Variants in FLII observed in about 807,000 individuals in gnomAD.
The protein encoded by FLII is FLII actin remodeling protein.
A neutral mutation model predicts 156.2 loss-of-function variants in FLII; 101 were observed. The observed-to-expected ratio is 0.65, with a 90% CI of 0.55 to 0.76. The LOEUF is 0.76. Ranked by LOEUF, FLII falls within the 30% of genes least tolerant of loss-of-function variation. FLII has a pLI of 0.00. For missense variants in FLII, 1,675 were observed against 1,682.8 expected, an observed-to-expected ratio of 1.00 and a Z score of 0.08; for synonymous variants, 767 against 685.8, an observed-to-expected ratio of 1.12 and a Z score of -1.85.
At chr17:18,249,039 C>G in intron 16 of FLII, 88 bp downstream of exon 16, 1 of 1,399,892 alleles carries the variant, frequency 7.1e-7, no homozygotes, top group Admixed American at 1.7e-5. Flanking sequence ...GCTAGAGGGC[C>G]TCCTCTTCTA....
At chr17:18,248,073 G>T in intron 18 of FLII, 40 bp from the exon 19 acceptor site, 2 of 1,426,460 alleles carry the variant, frequency 1.4e-6, no homozygotes, top group Non-Finnish European at 2.0e-6. Flanking sequence ...GGGATCTGGA[G>T]ACAGGAACCT....
chr17:18,258,406 A>G lies in FLII; in HGVS notation c.63+222T>C, dbSNP rs1362561831. On this transcript the variant is annotated intron_variant, in intron 1 of 29. Transcript: ENST00000327031. This position sits in a 1 kb window ranked among gnomAD's most constrained non-coding sequence, Gnocchi z 4.2. ...GGCCCCCGGCGGGACTCCGAGCCCAAGCGTCCGTCCCCGGCCTGCCCAGCC... is the reference window on the plus strand; with the variant it reads ...GGCCCCCGGCGGGACTCCGAGCCCAGGCGTCCGTCCCCGGCCTGCCCAGCC... 2 of 1,358,124 alleles carry G rather than the reference A, an allele frequency of 1.5e-6. No homozygotes were observed. The highest frequency in any genetic ancestry group is 2.3e-5 in the Admixed American group (1 of 43,398). 84.1% of individuals were successfully genotyped at this position (1,358,124 alleles called of 1,614,324 possible).
Position 18,247,720 on chromosome 17 carries a change from G to T in FLII, c.2424C>A (p.Cys808Ter). Residue 808 changes from cysteine to a stop codon, truncating the protein, a stop_gained, in exon 20 of 30, where the codon TGC (cysteine) becomes TGA (stop). Coordinates refer to ENST00000327031, the MANE Select transcript of FLII (RefSeq NM_002018.4). LOFTEE classifies it high-confidence loss of function. ...CATGGCGTGGCCGGTGCAGCATCCC[G>T]CACAGCTCCTGACCCAGCTTGAGGG... ...AAALKLGQEL[C>*]GMLHRPRHAT... 1 of 1,603,148 alleles carries T rather than the reference G, an allele frequency of 6.2e-7. No homozygotes were observed.
At chr17:18,258,763 C>CT (rs1301339913), upstream of FLII, 4 of 1,126,494 alleles carry the variant, frequency 3.6e-6, no homozygotes, top group Non-Finnish European at 4.5e-6. The surrounding 1 kb of genome is among the most constrained non-coding windows in gnomAD (Gnocchi z 4.2). Flanking sequence ...GAGCCGCGGG[C>CT]TGGGCCAGCG....
intron 1 of FLII, chr17:18,257,291 G>A (rs1393159757): frequency 2.2e-6 from 1 of 449,768 alleles, no homozygotes; most frequent in Non-Finnish European, 4.0e-6. Flanking sequence ...TGTTTCAGGT[G>A]AAAGCCCAGC....
At chr17:18,252,245 A>G in intron 10 of FLII, 99 bp from the exon 11 acceptor site, 1 of 1,200,548 alleles carries the variant, frequency 8.3e-7, no homozygotes, top group Non-Finnish European at 1.2e-6. Flanking sequence ...GCCAGGGCTG[A>G]GAGGTCAGGG....
chr17:18,247,488 A>G lies in FLII; in HGVS notation c.2488-131T>C. On this transcript the variant is annotated intron_variant, in intron 20 of 29. Transcript: ENST00000327031. ...TTGGGAGGCGGGGCCTCGGACACGG[A>G]GGTAGGAATAGGAGGGGCAGCTTGC... 4 of 1,060,246 alleles carry G rather than the reference A, an allele frequency of 3.8e-6. No homozygotes were observed. In the South Asian group the frequency reaches 6.2e-5, roughly 16 times the overall value. 65.7% of individuals were successfully genotyped at this position (1,060,246 alleles called of 1,614,324 possible).
Position 18,250,932 on chromosome 17 carries a change from G to C in FLII, c.1682C>G (p.Ser561Cys). The C allele has an allele frequency of 6.2e-7, 1 of 1,614,020 alleles. No individual in the cohort carries two copies. The highest frequency in any genetic ancestry group is 8.5e-7 in the Non-Finnish European group (1 of 1,179,988). ...GCGCAAGTTGACAGCGTGGATGGCAGAGCAAGCTTTCTTGTCGAGTGTGGC... is the reference window on the plus strand; with the variant it reads ...GCGCAAGTTGACAGCGTGGATGGCACAGCAAGCTTTCTTGTCGAGTGTGGC... ...GEATLDKKAC[S>C]AIHAVNLRNY... is the part of the protein sequence containing the mutation. The change falls in exon 14 of 30, where the codon TCT becomes TGT. Residue 561 changes from serine to cysteine, a missense_variant. Physicochemically the swap from Ser to Cys is moderately radical, Grantham distance 112. Transcript: ENST00000327031.
rs1567703297 is a variant in FLII at position 18,245,815 on chromosome 17, G to C, written c.3432C>G (p.Phe1144Leu). ...GCTTCTGTGCCCCAATGCCCACCCAGAAGAAGTTCTCAGGCTCCTCACCTT... is the reference window on the plus strand; with the variant it reads ...GCTTCTGTGCCCCAATGCCCACCCACAAGAAGTTCTCAGGCTCCTCACCTT... ...INEGEEPENF[F>L]WVGIGAQKPY... The change falls in exon 27 of 30, where the codon TTC becomes TTG. Residue 1144 changes from phenylalanine (F) to leucine (L), a missense_variant. Phe to Leu is a conservative substitution (Grantham distance 22, BLOSUM62 0). Coordinates refer to ENST00000327031, the MANE Select transcript of FLII (RefSeq NM_002018.4). The C allele has an allele frequency of 1.2e-6, 2 of 1,613,884 alleles. No homozygotes were observed. The highest frequency in any genetic ancestry group is 1.3e-5 in the African/African-American group (1 of 74,854).
chr17:18,246,322 G>A lies in FLII; in HGVS notation c.3192C>T (p.Ser1064=), dbSNP rs1028235007. Residue 1064 remains serine, a synonymous_variant, in exon 24 of 30, where the codon AGC becomes AGT. Transcript: ENST00000327031. ...PSLYQIRTNG[S]ALCTRCIQIN... is the part of the protein sequence containing the mutation. Reference sequence around the variant, plus strand: ...CAGCCAGGCACCGGGTGCAGAGGGCGCTGCCGTTGGTGCGGATCTGGTAGA... The same window carrying A: ...CAGCCAGGCACCGGGTGCAGAGGGCACTGCCGTTGGTGCGGATCTGGTAGA... The A allele has an allele frequency of 5.6e-6, 9 of 1,613,612 alleles. No homozygotes were observed. Among genetic ancestry groups the A allele is most frequent in the South Asian group, 1.1e-5 (1 of 91,096 alleles).
chr17:18,253,107 ACCACTACATT>A (rs1232631027), intron 9 of FLII, among the ~76,000 whole-genome samples, 184 bp downstream of exon 9: 1 of 152,234 alleles, frequency 6.6e-6, no homozygotes, highest in Non-Finnish European at 1.5e-5. Flanking sequence ...CCGAGATTGC[ACCACTACATT>A]CCAGCCCAGG....
At chr17:18,258,859 C>A (rs2048510780), upstream of FLII, 1 of 330,944 alleles carries the variant, frequency 3.0e-6, no homozygotes, top group Admixed American at 5.1e-5. This position sits in a 1 kb window ranked among gnomAD's most constrained non-coding sequence, Gnocchi z 4.2. Context: ...TCAGTTTCCC[C>A]GTCTGTTCGA....
At chr17:18,253,840 G>T in intron 7 of FLII, 121 bp from the exon 8 acceptor site, 3 of 1,057,436 alleles carry the variant, frequency 2.8e-6, no homozygotes, top group Middle Eastern at 3.0e-4. Flanking sequence ...AGTGACAACT[G>T]CTGTGCGCCC....
chr17:18,248,932 G>A (rs2048174342), intron 16 of FLII, 49 bp from the exon 17 acceptor site: 1 of 1,507,138 alleles, frequency 6.6e-7, no homozygotes, highest in Non-Finnish European at 9.2e-7. Context: ...TGGGGCAATG[G>A]TCACCCCATG....
intron 3 of FLII, among the ~76,000 whole-genome samples, chr17:18,256,044 T>G (rs1178098775): frequency 2.0e-5 from 3 of 152,246 alleles, no homozygotes; most frequent in African/African-American, 7.2e-5. Context: ...GGCCTGATGT[T>G]CTGGGACGTT....
Position 18,244,946 on chromosome 17 carries a change from A to AGAG in FLII, c.*189_*191dup, listed in dbSNP as rs1597890574. 2 of 643,496 alleles carry AGAG rather than the reference A, an allele frequency of 3.1e-6. No individual in the cohort carries two copies. Among genetic ancestry groups the AGAG allele is most frequent in the Non-Finnish European group, 5.5e-6 (2 of 366,172 alleles). 39.9% of individuals were successfully genotyped at this position (643,496 alleles called of 1,614,324 possible). ...TCACACGTGCACTCACACTGTGGAG[A>AGAG]GAGTTGGATTTCCCAGACCCCTGAG... On this transcript the variant is annotated 3_prime_UTR_variant, in exon 30 of 30. Coordinates refer to ENST00000327031, the MANE Select transcript of FLII (RefSeq NM_002018.4).
rs1441565831 is a variant in FLII, at chr17:18,258,242, T to TGGGCAGCC, written c.63+378_63+385dup. ...GATGAGTCGGCTCCACACCCGCCCC[T>TGGGCAGCC]GGGCAGCCGGGCAGCCATCCCTGAG... is the stretch of plus-strand genomic sequence containing the variant. On this transcript the variant is annotated intron_variant, in intron 1 of 29. Coordinates refer to ENST00000327031, the MANE Select transcript of FLII (RefSeq NM_002018.4). The surrounding 1 kb of genome is among the most constrained non-coding windows in gnomAD (Gnocchi z 4.2). Among the ~76,000 whole-genome samples, 2 of 152,192 alleles carry TGGGCAGCC rather than the reference T, an allele frequency of 1.3e-5. No homozygotes were observed. The highest frequency in any genetic ancestry group is 3.4e-3 in the Middle Eastern group (1 of 294).
intron 8 of FLII, 21 bp from the exon 9 acceptor site, chr17:18,253,479 G>A (rs767088081): frequency 6.2e-7 from 1 of 1,613,670 alleles, no homozygotes; most frequent in Non-Finnish European, 8.5e-7. Context: ...AACGGGCAGG[G>A]GTGGGAGGTC....
chr17:18,246,157 C>T lies in FLII; in HGVS notation c.3267+5G>A, dbSNP rs200651341. 863 of 1,614,174 alleles carry T rather than the reference C, an allele frequency of 5.3e-4. No individual in the cohort carries two copies. Among genetic ancestry groups the T allele is most frequent in the Non-Finnish European group, 6.9e-4 (814 of 1,180,036 alleles). On this transcript the variant is annotated splice_donor_5th_base_variant and intron_variant, in intron 25 of 29. Coordinates refer to ENST00000327031, the MANE Select transcript of FLII (RefSeq NM_002018.4). Reference sequence around the variant, plus strand: ...CGGAGTCCTGGCTCACACCCACAACCCCACCTTGAGGATGAAGCAGAACTC... The same window carrying T: ...CGGAGTCCTGGCTCACACCCACAACTCCACCTTGAGGATGAAGCAGAACTC...
Sources: gnomAD v4.1 joint callset for allele counts (sites outside exome capture counted in the v4.1 genomes callset) on GRCh38, gnomAD v4.1.1 for gene constraint, Gnocchi (gnomAD v3.1) non-coding constraint, MANE v1.5 for transcripts, NCBI Gene and HGNC (gene_info 2026-07-23, HGNC 2026-07-21) for gene names.